WWOX: variants seen among roughly 807,000 people sequenced by gnomAD.
The protein encoded by WWOX is WW domain-containing oxidoreductase.
Under a neutral mutation model 46.2 loss-of-function variants are expected in WWOX, and 69 were observed. The observed-to-expected ratio is 1.49, with a 90% CI of 1.23 to 1.82. The LOEUF (loss-of-function observed/expected upper bound fraction) is 1.82. WWOX is among the 40% of genes most tolerant of loss of function. The probability of loss-of-function intolerance (pLI) is 0.00; values close to 1 mark genes in which losing one functional copy is unlikely to be tolerated. For missense variants in WWOX, 919 were observed against 542.6 expected, an observed-to-expected ratio of 1.69 and a Z score of -6.89; for synonymous variants, 359 against 202.6, an observed-to-expected ratio of 1.77 and a Z score of -6.56.
chr16:79,094,532 G>A (rs1401624188), intron 8 of WWOX, among the ~76,000 whole-genome samples: 1 of 152,144 alleles, frequency 6.6e-6, no homozygotes, highest in Non-Finnish European at 1.5e-5. Flanking sequence ...GATGACGGGT[G>A]TGAGCCACCG....
Position 78,345,994 on chromosome 16 carries a change from A to G in WWOX, c.517-40866A>G, listed in dbSNP as rs994055664. ...ATAGAACATTTACATCACCTCAAAAAGATTTCAAATGCCACTTCTGTGGTG... is the reference window on the plus strand; with the variant it reads ...ATAGAACATTTACATCACCTCAAAAGGATTTCAAATGCCACTTCTGTGGTG... On this transcript the variant is annotated intron_variant, in intron 5 of 8. Coordinates refer to ENST00000566780, the MANE Select transcript of WWOX (RefSeq NM_016373.4). 1.6e-5 allele frequency among the ~76,000 whole-genome samples: 2 copies of G among 121,582 alleles called. 1 individual carries two copies. The highest frequency in any genetic ancestry group is 3.9e-5 in the Non-Finnish European group (2 of 50,792). The allele number at this position is 121,582 out of a possible 152,430, so 79.8% of individuals were successfully genotyped here.
At chr16:78,780,322 A>G (rs971431850) in intron 8 of WWOX, 3 of 152,232 alleles carry the variant, frequency 2.0e-5, no homozygotes, top group African/African-American at 7.2e-5. Flanking sequence ...TCACTCACTC[A>G]TGAATTGACT....
intron 8 of WWOX, among the ~76,000 whole-genome samples, chr16:78,591,276 C>A (rs533479528): frequency 1.3e-5 from 2 of 152,284 alleles, no homozygotes; most frequent in East Asian, 3.9e-4. Context: ...TCCCCAAAGC[C>A]CCTCAACACA....
intron 8 of WWOX, among the ~76,000 whole-genome samples, chr16:78,457,336 A>T (rs1389891739): frequency 1.3e-5 from 2 of 152,190 alleles, no homozygotes; most frequent in African/African-American, 4.8e-5. Flanking sequence ...CAGATTTGCT[A>T]CTTGTTCTCT....
At chr16:78,667,628 G>A (rs1597417723) in intron 8 of WWOX, among the ~76,000 whole-genome samples, 3 of 137,142 alleles carry the variant, frequency 2.2e-5, no homozygotes, top group South Asian at 2.3e-4. Context: ...CCAAGATCGT[G>A]CCACTGCATC....
intron 8 of WWOX, among the ~76,000 whole-genome samples, chr16:79,160,198 C>A (rs1187648322): frequency 2.6e-5 from 4 of 152,188 alleles, no homozygotes; most frequent in African/African-American, 9.7e-5. Flanking sequence ...AAGATGGGAG[C>A]TGTCAGTTGT....
intron 8 of WWOX, among the ~76,000 whole-genome samples, chr16:78,703,696 G>A (rs1424159): frequency 0.63 from 95,586 of 151,756 alleles, 31,410 homozygotes; most frequent in African/African-American, 0.83. Context: ...TGGGTAACTC[G>A]GAAATTTCAA....
chr16:78,653,042 C>T (rs1229953498), intron 8 of WWOX, among the ~76,000 whole-genome samples: 2 of 151,810 alleles, frequency 1.3e-5, no homozygotes, highest in Non-Finnish European at 2.9e-5. Context: ...CTATTAATTC[C>T]ACTAGCATGA....
At chr16:78,568,181 C>T (rs1468007163) in intron 8 of WWOX, among the ~76,000 whole-genome samples, 2 of 152,128 alleles carry the variant, frequency 1.3e-5, no homozygotes, top group African/African-American at 4.8e-5. Context: ...AAAAATCATC[C>T]TCTGAAAAAC....
At chr16:78,414,218 T>C (rs1374144112) in intron 6 of WWOX, among the ~76,000 whole-genome samples, 1 of 151,958 alleles carries the variant, frequency 6.6e-6, no homozygotes, top group African/African-American at 2.4e-5. Flanking sequence ...GCCCTACACC[T>C]ATTTCCCTTT....
intron 5 of WWOX, among the ~76,000 whole-genome samples, chr16:78,224,147 G>A (rs1344939650): frequency 6.6e-6 from 1 of 152,052 alleles, no homozygotes; most frequent in African/African-American, 2.4e-5. Context: ...GGGACTACAG[G>A]CACCCGCCAC....
chr16:78,680,068 A>T (rs1366761418), intron 8 of WWOX, among the ~76,000 whole-genome samples: 1 of 152,228 alleles, frequency 6.6e-6, no homozygotes, highest in African/African-American at 2.4e-5. Context: ...TAAAGTAGGG[A>T]TAACATTAGC....
intron 8 of WWOX, among the ~76,000 whole-genome samples, chr16:78,697,786 G>A (rs1177645057): frequency 6.6e-6 from 1 of 152,242 alleles, no homozygotes; most frequent in African/African-American, 2.4e-5. Context: ...TTTCAACTCG[G>A]TATAGGGTTT....
chr16:79,101,823 A>G (rs1193591585), intron 8 of WWOX: 4 of 151,240 alleles, frequency 2.6e-5, no homozygotes, highest in Non-Finnish European at 5.9e-5. Flanking sequence ...TAGGAGGTAC[A>G]TAAGAGAAAC....
chr16:78,321,425 TATATATATAA>T (rs2080479722), intron 5 of WWOX, among the ~76,000 whole-genome samples: 1 of 142,112 alleles, frequency 7.0e-6, no homozygotes, highest in Non-Finnish European at 1.5e-5. Flanking sequence ...TGTGTGTATA[TATATATATAA>T]AAATATATTT....
At chr16:78,101,541 C>T (rs2031791270) in intron 1 of WWOX, among the ~76,000 whole-genome samples, 1 of 151,792 alleles carries the variant, frequency 6.6e-6, no homozygotes, top group South Asian at 2.1e-4. Context: ...GGCTGGTCTC[C>T]AACTCCTGGC....
At chr16:78,300,047 T>C (rs755172177) in intron 5 of WWOX, among the ~76,000 whole-genome samples, 8 of 152,160 alleles carry the variant, frequency 5.3e-5, no homozygotes, top group Non-Finnish European at 7.3e-5. Context: ...GATTGCTGCA[T>C]CTTATAAGAA....
intron 5 of WWOX, among the ~76,000 whole-genome samples, chr16:78,306,753 C>T (rs1052869389): frequency 1.1e-4 from 17 of 151,834 alleles, no homozygotes; most frequent in Non-Finnish European, 2.2e-4. Flanking sequence ...CCCACTCTGT[C>T]CCATAATTCC....
chr16:78,779,423 A>G (rs1191664032), intron 8 of WWOX, among the ~76,000 whole-genome samples: 1 of 152,176 alleles, frequency 6.6e-6, no homozygotes, highest in Admixed American at 6.5e-5. Flanking sequence ...GGTAAGAGCC[A>G]CCGTGTCCGG....
Sources: gnomAD v4.1 joint callset for allele counts (sites outside exome capture counted in the v4.1 genomes callset) on GRCh38, gnomAD v4.1.1 for gene constraint, MANE v1.5 for transcripts, NCBI Gene and HGNC (gene_info 2026-07-23, HGNC 2026-07-21) for gene names.